Variants in TMED10 observed in about 807,000 individuals in gnomAD.
TMED10 encodes the protein transmembrane emp24 domain-containing protein 10.
TMED10 carries 7 observed loss-of-function variants against 23.1 expected under a neutral mutation model. That is an observed-to-expected ratio of 0.30 (90% CI 0.17 to 0.57). The LOEUF (loss-of-function observed/expected upper bound fraction) is 0.57, where lower values mean the gene tolerates loss of function less well. Ranked by LOEUF, TMED10 falls within the 20% of genes least tolerant of loss-of-function variation. The pLI, the probability that TMED10 is intolerant of heterozygous loss-of-function variation, is 0.91. For missense variants in TMED10, 162 were observed against 274.8 expected, an observed-to-expected ratio of 0.59 and a Z score of 2.90; for synonymous variants, 113 against 106.9, an observed-to-expected ratio of 1.06 and a Z score of -0.35.
intron 1 of TMED10, among the ~76,000 whole-genome samples, chr14:75,172,444 T>A (rs1043155889): frequency 5.9e-5 from 9 of 152,106 alleles, no homozygotes; most frequent in African/African-American, 2.2e-4. Context: ...CAGCTGGGAT[T>A]ACAGATGTGT....
At chr14:75,145,212 C>T (rs1017165812) in intron 3 of TMED10, among the ~76,000 whole-genome samples, 2 of 152,132 alleles carry the variant, frequency 1.3e-5, no homozygotes, top group East Asian at 3.9e-4. Context: ...ACATGTCAGA[C>T]GTCTGAAGCA....
chr14:75,159,002 C>T (rs1896055415), intron 1 of TMED10, among the ~76,000 whole-genome samples: 1 of 152,100 alleles, frequency 6.6e-6, no homozygotes, highest in Non-Finnish European at 1.5e-5. Context: ...GAGAACTAAC[C>T]AAATCACAAA....
chr14:75,143,815 T>C (rs182084660), intron 3 of TMED10, among the ~76,000 whole-genome samples: 1 of 151,444 alleles, frequency 6.6e-6, no homozygotes, highest in African/African-American at 2.4e-5. Context: ...ACACTTGTAA[T>C]CCCAGCTACT....
chr14:75,138,812 C>CTTTTTTTTTTTTTTTTTTTTTT (rs59707221), intron 3 of TMED10, among the ~76,000 whole-genome samples: 13 of 95,052 alleles, frequency 1.4e-4, no homozygotes, highest in African/African-American at 2.2e-4. Context: ...GCCTTTGCTT[C>CTTTTTTTTTTTTTTTTTTTTTT]TTTTTTTTTT....
chr14:75,175,057 A>T (rs2139866898), intron 1 of TMED10, among the ~76,000 whole-genome samples: 1 of 150,084 alleles, frequency 6.7e-6, no homozygotes, highest in Admixed American at 6.6e-5. Context: ...AAAAAAAAAA[A>T]AAAAAAAGTA....
At chr14:75,158,315 T>C (rs1163294632) in intron 1 of TMED10, among the ~76,000 whole-genome samples, 1 of 152,128 alleles carries the variant, frequency 6.6e-6, no homozygotes, top group African/African-American at 2.4e-5. Context: ...AGAAGCAGCA[T>C]AAAAAAGGAC....
rs989274099 is a variant in TMED10 at position 75,176,454 on chromosome 14, C to T, written c.126G>A (p.Lys42=). 16 of 1,614,242 alleles carry T rather than the reference C, an allele frequency of 9.9e-6. No individual in the cohort carries two copies. The highest frequency in any genetic ancestry group is 1.3e-5 in the Non-Finnish European group (15 of 1,180,046). Residue 42 remains lysine (K), a synonymous_variant, in exon 1 of 5, where the codon AAG becomes AAA. Coordinates refer to ENST00000303575, the MANE Select transcript of TMED10 (RefSeq NM_006827.6). ...CCTTGTGAATCTCCTCACGGAGGCA[C>T]TTGCGAGAGTTAATGGGCAGATGGA... ...ISFHLPINSR[K]CLREEIHKDL...
At chr14:75,148,697 C>G (rs1044704887) in intron 2 of TMED10, among the ~76,000 whole-genome samples, 4 of 152,182 alleles carry the variant, frequency 2.6e-5, no homozygotes, top group African/African-American at 9.7e-5. Flanking sequence ...TGGTACTGTA[C>G]CCTCTGATGC....
intron 3 of TMED10, among the ~76,000 whole-genome samples, chr14:75,142,883 G>A (rs1422084839): frequency 6.6e-6 from 1 of 151,852 alleles, no homozygotes; most frequent in Non-Finnish European, 1.5e-5. Flanking sequence ...TTTTGAGATA[G>A]AGTTTTGCTT....
chr14:75,176,302 C>T (rs1373042099), intron 1 of TMED10, 53 bp downstream of exon 1: 2 of 1,604,502 alleles, frequency 1.2e-6, no homozygotes, highest in South Asian at 2.2e-5. Flanking sequence ...CGAGCCTCCC[C>T]TCGCCTAAGC....
intron 3 of TMED10, among the ~76,000 whole-genome samples, chr14:75,146,932 T>TAGATAGAC (rs1265611963): frequency 1.3e-5 from 2 of 151,996 alleles, no homozygotes; most frequent in Admixed American, 1.3e-4. Context: ...GATAGATAGA[T>TAGATAGAC]AGATAGATAG....
At chr14:75,148,660 G>A (rs965879332) in intron 2 of TMED10, among the ~76,000 whole-genome samples, 6 of 152,170 alleles carry the variant, frequency 3.9e-5, no homozygotes, top group African/African-American at 1.4e-4. Context: ...AAGCACTGGG[G>A]TTCCTGAAAC....
chr14:75,149,409 T>A (rs1258166426), intron 2 of TMED10, among the ~76,000 whole-genome samples: 2 of 152,234 alleles, frequency 1.3e-5, no homozygotes, highest in Non-Finnish European at 2.9e-5. Flanking sequence ...TCACCAGATG[T>A]GGCCCCTTGA....
chr14:75,158,722 C>T (rs991398121), intron 1 of TMED10, among the ~76,000 whole-genome samples: 2 of 151,834 alleles, frequency 1.3e-5, no homozygotes, highest in East Asian at 2.0e-4. Context: ...GTCGGGAGTT[C>T]GAGACCAGCC....
Position 75,134,916 on chromosome 14 carries a change from C to T in TMED10, c.629G>A (p.Arg210His), listed in dbSNP as rs1278830001. 7.4e-6 allele frequency: 12 copies of T among 1,613,872 alleles called. No individual in the cohort carries two copies. The African/African-American group carries it at 9.3e-5, about 13-fold the overall frequency. ...AATCAATTTCTTGGCCTTGAAGAAG[C>T]GTCGCAGGTAGAAGACCTGCCAGGT... ...LATWQVFYLR[R>H]FFKAKKLIE The change falls in exon 5 of 5, where the codon CGC (arginine) becomes CAC (histidine). Residue 210 changes from arginine (R) to histidine (H), a missense_variant. Physicochemically the swap from Arg to His is conservative, Grantham distance 29. Coordinates refer to ENST00000303575, the MANE Select transcript of TMED10 (RefSeq NM_006827.6).
intron 1 of TMED10, among the ~76,000 whole-genome samples, chr14:75,162,995 G>C (rs1296136488): frequency 6.6e-6 from 1 of 151,896 alleles, no homozygotes; most frequent in Non-Finnish European, 1.5e-5. Context: ...AGCACTTTAG[G>C]AGGCCGAAAG....
intron 3 of TMED10, 78 bp downstream of exon 3, chr14:75,147,586 C>T (rs2139840208): frequency 7.0e-7 from 1 of 1,432,160 alleles, no homozygotes; most frequent in East Asian, 2.3e-5. Flanking sequence ...AAAGCACAGC[C>T]TGTTGGCCTG....
chr14:75,155,158 C>T (rs1896007136), intron 1 of TMED10, among the ~76,000 whole-genome samples: 1 of 152,084 alleles, frequency 6.6e-6, no homozygotes, highest in African/African-American at 2.4e-5. Flanking sequence ...GGGGTTTCAC[C>T]ATGTTGGCCA....
rs904927457 is a variant in TMED10 at position 75,155,951 on chromosome 14, C to G, written c.226-3808G>C. On this transcript the variant is annotated intron_variant, in intron 1 of 4. Transcript: ENST00000303575. ...ATAACCCTACTGGCAAGAATTATTTCCCCCGTGTTCCATGGGAGGAAACTG... is the reference window on the plus strand; with the variant it reads ...ATAACCCTACTGGCAAGAATTATTTGCCCCGTGTTCCATGGGAGGAAACTG... 3.3e-5 allele frequency among the ~76,000 whole-genome samples: 5 copies of G among 152,136 alleles called. No individual in the cohort carries two copies. The South Asian group carries it at 1.0e-3, about 32-fold the overall frequency.
Sources: gnomAD v4.1 joint callset for allele counts (sites outside exome capture counted in the v4.1 genomes callset) on GRCh38, gnomAD v4.1.1 for gene constraint, MANE v1.5 for transcripts, NCBI Gene and HGNC (gene_info 2026-07-23, HGNC 2026-07-21) for gene names.